ZFAT: variants seen among roughly 807,000 people sequenced by gnomAD.
ZFAT encodes the protein zinc finger and AT-hook domain containing.
A neutral mutation model predicts 117.7 loss-of-function variants in ZFAT; 64 were observed. The ratio of observed to expected loss-of-function variants is 0.54; its 90% CI spans 0.44 to 0.67. ZFAT has a LOEUF of 0.67. Ranked by LOEUF, ZFAT falls within the 30% of genes least tolerant of loss-of-function variation. The pLI is 0.00. For synonymous variants in ZFAT, 679 were observed against 615.0 expected, an observed-to-expected ratio of 1.10 and a Z score of -1.54; for missense variants, 1,433 against 1,584.5, an observed-to-expected ratio of 0.90 and a Z score of 1.62.
the ZFAT span, among the ~76,000 whole-genome samples, chr8:134,772,093 C>A: frequency 2.0e-5 from 3 of 152,278 alleles, no homozygotes; most frequent in Non-Finnish European, 4.4e-5. Flanking sequence ...GGGACACAGG[C>A]AAACCATATC....
the ZFAT span, among the ~76,000 whole-genome samples, chr8:134,791,087 T>TTC: frequency 6.6e-6 from 1 of 152,232 alleles, no homozygotes; most frequent in African/African-American, 2.4e-5. Flanking sequence ...GAACACATAC[T>TTC]TCTGTACATT....
chr8:134,626,572 T>G (rs1401612745), intron 3 of ZFAT, among the ~76,000 whole-genome samples: 1 of 152,206 alleles, frequency 6.6e-6, no homozygotes, highest in Non-Finnish European at 1.5e-5. Flanking sequence ...GCAGGTGAGC[T>G]TCACAATCCC....
At chr8:134,644,665 C>T (rs1430691711) in intron 2 of ZFAT, among the ~76,000 whole-genome samples, 3 of 151,946 alleles carry the variant, frequency 2.0e-5, no homozygotes, top group Admixed American at 2.0e-4. Flanking sequence ...TGCACTTACA[C>T]ATGTGCCCAC....
the ZFAT span, among the ~76,000 whole-genome samples, chr8:134,744,983 C>T: frequency 1.3e-5 from 2 of 150,904 alleles, no homozygotes; most frequent in East Asian, 4.0e-4. Context: ...CCCACCTCGG[C>T]CTCCCAAAGT....
At chr8:134,697,861 G>T (rs1180772557) in intron 1 of ZFAT, among the ~76,000 whole-genome samples, 1 of 150,078 alleles carries the variant, frequency 6.7e-6, no homozygotes, top group Non-Finnish European at 1.5e-5. Flanking sequence ...GATTACAGGC[G>T]TGAGCCACCG....
chr8:134,599,859 A>C (rs1249625328), intron 7 of ZFAT: 1 of 444,334 alleles, frequency 2.3e-6, no homozygotes, highest in Non-Finnish European at 4.5e-6. Flanking sequence ...CCTCCACCAA[A>C]GACCTAAAGA....
intron 1 of ZFAT, among the ~76,000 whole-genome samples, chr8:134,700,047 C>T (rs1186722911): frequency 1.3e-5 from 2 of 152,222 alleles, no homozygotes; most frequent in Non-Finnish European, 2.9e-5. Context: ...GAGTCTTAGG[C>T]ACTGAGTTCA....
intron 3 of ZFAT, among the ~76,000 whole-genome samples, chr8:134,630,983 C>T (rs1333759634): frequency 3.3e-5 from 5 of 152,154 alleles, no homozygotes; most frequent in African/African-American, 1.2e-4. Context: ...CTAGAGAACA[C>T]GGTGCAATCA....
At chr8:134,829,710 T>C in the ZFAT span, among the ~76,000 whole-genome samples, 1 of 152,222 alleles carries the variant, frequency 6.6e-6, no homozygotes, top group East Asian at 1.9e-4. Flanking sequence ...CTTTTAAATG[T>C]CAAATTTCTT....
At chr8:134,584,630 T>C (rs927076095) in intron 9 of ZFAT, among the ~76,000 whole-genome samples, 6 of 152,174 alleles carry the variant, frequency 3.9e-5, no homozygotes, top group African/African-American at 1.4e-4. Flanking sequence ...CATTCACCAC[T>C]CCTTCATTCA....
intron 1 of ZFAT, among the ~76,000 whole-genome samples, chr8:134,687,366 G>A (rs1366548046): frequency 6.6e-6 from 1 of 152,138 alleles, no homozygotes; most frequent in East Asian, 1.9e-4. Flanking sequence ...ATTAGGGCTG[G>A]GCCAACAGTT....
rs376167525 is a variant in ZFAT at position 134,478,756 on chromosome 8, G to A, written c.3493-35C>T. 5.8e-5 allele frequency: 89 copies of A among 1,533,700 alleles called. No individual in the cohort carries two copies. Among genetic ancestry groups the A allele is most frequent in the Middle Eastern group, 1.7e-4 (1 of 5,962 alleles). On this transcript the variant is annotated intron_variant, in intron 15 of 15. Transcript: ENST00000377838. The surrounding 1 kb of genome is among the most constrained non-coding windows in gnomAD (Gnocchi z 5.2). ...GAGGGCAAGAGAAAGGTCACCCAGC[G>A]CCTACTTCCCGGTCCAGCGTAACAA...
chr8:134,579,956 C>CAAAAA (rs149153004), intron 10 of ZFAT, among the ~76,000 whole-genome samples: 1 of 115,044 alleles, frequency 8.7e-6, no homozygotes, highest in Admixed American at 8.5e-5. Context: ...ACACAGGGAA[C>CAAAAA]AAAAAAAAAA....
At chr8:134,584,440 G>A (rs1825924072) in intron 9 of ZFAT, among the ~76,000 whole-genome samples, 1 of 152,238 alleles carries the variant, frequency 6.6e-6, no homozygotes, top group Admixed American at 6.5e-5. Context: ...AGAGCAGACA[G>A]TCACTAAATT....
the ZFAT span, among the ~76,000 whole-genome samples, chr8:134,721,595 C>A: frequency 1.3e-5 from 2 of 152,172 alleles, no homozygotes; most frequent in Admixed American, 6.5e-5. Flanking sequence ...CAACTCTGAG[C>A]CTCTGCATGT....
intron 1 of ZFAT, among the ~76,000 whole-genome samples, chr8:134,708,690 C>T (rs11989344): frequency 0.013 from 1,994 of 152,152 alleles, 50 homozygotes; most frequent in African/African-American, 0.044. Flanking sequence ...CAGCGGCTCA[C>T]GTCTGTAATA....
Position 134,590,288 on chromosome 8 carries a change from T to C in ZFAT, c.2543A>G (p.His848Arg), listed in dbSNP as rs781120380. 6.2e-7 allele frequency: 1 copy of C among 1,613,338 alleles called. No homozygotes were observed. Among genetic ancestry groups the C allele is most frequent in the South Asian group, 1.1e-5 (1 of 91,060 alleles). The part of the protein sequence containing the change: ...SFSEDRLIKS[H>R]IKTNHPEVSM... Reference sequence around the variant, plus strand: ...CTTACCAGGATGGTTGGTCTTGATATGTGACTTTATCAATCGATCCTCTGA... The same window carrying C: ...CTTACCAGGATGGTTGGTCTTGATACGTGACTTTATCAATCGATCCTCTGA... The change falls in exon 8 of 16, where the codon CAT becomes CGT. Residue 848 changes from histidine to arginine, a missense_variant. Coordinates refer to ENST00000377838, the MANE Select transcript of ZFAT (RefSeq NM_020863.4).
At chr8:134,707,906 T>A (rs139138144) in intron 1 of ZFAT, among the ~76,000 whole-genome samples, 1 of 152,392 alleles carries the variant, frequency 6.6e-6, no homozygotes, top group East Asian at 1.9e-4. Flanking sequence ...ATGTTCACTG[T>A]TGTGCTATTC....
the ZFAT span, among the ~76,000 whole-genome samples, chr8:134,764,295 T>C: frequency 1.3e-3 from 194 of 152,350 alleles, 3 homozygotes; most frequent in East Asian, 0.021. Context: ...GGGTAAAACA[T>C]GTAGCTCCTC....
Sources: allele counts gnomAD v4.1 joint callset (sites outside exome capture counted in the v4.1 genomes callset), GRCh38; gene constraint gnomAD v4.1.1; non-coding constraint Gnocchi (gnomAD v3.1); transcripts MANE v1.5; gene names NCBI Gene and HGNC (gene_info 2026-07-23, HGNC 2026-07-21).